SHCBP1: variants seen among roughly 807,000 people sequenced by gnomAD.
SHCBP1 encodes the protein SHC binding and spindle associated 1, also known as SHC SH2 domain-binding protein 1.
In SHCBP1, 60 loss-of-function variants were observed where a neutral mutation model predicts 75.1. The ratio of observed to expected loss-of-function variants is 0.80; its 90% CI spans 0.65 to 0.99. The LOEUF is 0.99. SHCBP1 is among the 50% of genes least tolerant of loss of function. SHCBP1 has a pLI of 0.00. For missense variants in SHCBP1, 709 were observed against 809.4 expected (o/e 0.88, Z 1.50); for synonymous variants, 290 against 293.2 (o/e 0.99, Z 0.11).
intron 1 of SHCBP1, among the ~76,000 whole-genome samples, chr16:46,620,146 C>T (rs1000997043): frequency 1.3e-5 from 2 of 152,182 alleles, no homozygotes; most frequent in Non-Finnish European, 2.9e-5. Flanking sequence ...TCCATCACCT[C>T]GCATAGTTAC....
rs757026436 is a variant in SHCBP1 at position 46,617,645 on chromosome 16, C to T, written c.376G>A (p.Val126Met). Reference protein sequence around the residue: ...RAVWHTNVFKVLVEITDVDFA... With the variant: ...RAVWHTNVFKMLVEITDVDFA... ...AAAATTAACCTTACCTCAACCAGCACCTTGAACACATTAGTGTGCCAGACT... is the reference window on the plus strand; with the variant it reads ...AAAATTAACCTTACCTCAACCAGCATCTTGAACACATTAGTGTGCCAGACT... Residue 126 changes from valine (V) to methionine (M), a missense_variant, in exon 3 of 13, where the codon GTG (valine) becomes ATG (methionine). Physicochemically the swap from Val to Met is conservative, Grantham distance 21. Coordinates refer to ENST00000303383, the MANE Select transcript of SHCBP1 (RefSeq NM_024745.5). 44 of 1,613,794 alleles carry T rather than the reference C, an allele frequency of 2.7e-5. No individual in the cohort carries two copies. The highest frequency in any genetic ancestry group is 3.7e-5 in the Non-Finnish European group (44 of 1,179,952).
intron 10 of SHCBP1, among the ~76,000 whole-genome samples, chr16:46,591,392 T>C (rs1965046070): frequency 6.6e-6 from 1 of 152,104 alleles, no homozygotes; most frequent in South Asian, 2.1e-4. Context: ...TCACATCAGA[T>C]AAAGTAGACT....
At chr16:46,587,663 G>T (rs935740754) in intron 10 of SHCBP1, among the ~76,000 whole-genome samples, 3 of 152,108 alleles carry the variant, frequency 2.0e-5, no homozygotes, top group African/African-American at 7.2e-5. Flanking sequence ...GATTCATAAA[G>T]CATGCCCTTA....
At chr16:46,582,342 A>G (rs1964885151) in intron 12 of SHCBP1, among the ~76,000 whole-genome samples, 1 of 152,220 alleles carries the variant, frequency 6.6e-6, no homozygotes, top group Non-Finnish European at 1.5e-5. Flanking sequence ...TGAAGTCCCA[A>G]TCTAGCAGCT....
At chr16:46,582,555 G>T (rs1964889525) in intron 12 of SHCBP1, among the ~76,000 whole-genome samples, 1 of 152,188 alleles carries the variant, frequency 6.6e-6, no homozygotes, top group South Asian at 2.1e-4. Context: ...TGAGATGGGG[G>T]GGCCATGAGG....
chr16:46,600,460 G>A (rs533234633), intron 8 of SHCBP1, among the ~76,000 whole-genome samples: 3 of 151,846 alleles, frequency 2.0e-5, no homozygotes, highest in Non-Finnish European at 4.4e-5. Flanking sequence ...GTGACAGAAT[G>A]AGACCCCATC....
intron 10 of SHCBP1, among the ~76,000 whole-genome samples, chr16:46,585,702 A>T (rs925325086): frequency 6.6e-6 from 1 of 152,104 alleles, no homozygotes; most frequent in Admixed American, 6.6e-5. Context: ...CTGGACTTGT[A>T]CCCCCACCTG....
chr16:46,596,026 G>T (rs1377989166), intron 9 of SHCBP1, among the ~76,000 whole-genome samples: 3 of 152,120 alleles, frequency 2.0e-5, no homozygotes, highest in African/African-American at 4.8e-5. Flanking sequence ...TTACTCCCAT[G>T]TGGAGATAAC....
At chr16:46,608,199 G>A (rs1485498841) in intron 5 of SHCBP1, 98 bp downstream of exon 5, 1 of 718,864 alleles carries the variant, frequency 1.4e-6, no homozygotes, top group Non-Finnish European at 2.4e-6. Flanking sequence ...GTGAGTGAGT[G>A]TGGGTGTGTG....
intron 10 of SHCBP1, among the ~76,000 whole-genome samples, chr16:46,586,777 G>C (rs528352813): frequency 6.6e-6 from 1 of 152,226 alleles, no homozygotes; most frequent in East Asian, 1.9e-4. Flanking sequence ...ATGGACGTCA[G>C]ATGAAAGACA....
chr16:46,610,609 G>A (rs1175075068), intron 4 of SHCBP1, among the ~76,000 whole-genome samples: 1 of 124,244 alleles, frequency 8.0e-6, no homozygotes, highest in Non-Finnish European at 1.6e-5. Context: ...AGGATGGAGT[G>A]CAGTAGTAGC....
chr16:46,584,110 T>A (rs754934915), intron 10 of SHCBP1, 21 bp from the exon 11 acceptor site: 1 of 1,553,306 alleles, frequency 6.4e-7, no homozygotes, highest in Non-Finnish European at 8.8e-7. Context: ...CAGTTTGAGA[T>A]AATGACAATC....
chr16:46,604,525 A>G (rs910629411), intron 5 of SHCBP1, 64 bp from the exon 6 acceptor site: 1 of 1,094,592 alleles, frequency 9.1e-7, no homozygotes, highest in East Asian at 2.4e-5. Flanking sequence ...TCATTAAAAC[A>G]GCCCACTTAG....
At chr16:46,603,186 A>ATT (rs1567448873) in intron 8 of SHCBP1, among the ~76,000 whole-genome samples, 6 of 152,228 alleles carry the variant, frequency 3.9e-5, no homozygotes, top group Admixed American at 2.0e-4. Flanking sequence ...TTTTTAAAAT[A>ATT]CTAAAATTTT....
intron 5 of SHCBP1, among the ~76,000 whole-genome samples, chr16:46,605,623 C>A (rs2143000775): frequency 6.6e-6 from 1 of 152,268 alleles, no homozygotes; most frequent in African/African-American, 2.4e-5. Flanking sequence ...CAAACAGATG[C>A]TCAGGGCCCC....
chr16:46,587,539 C>T (rs1964971452), intron 10 of SHCBP1, among the ~76,000 whole-genome samples: 1 of 152,028 alleles, frequency 6.6e-6, no homozygotes, highest in South Asian at 2.1e-4. Flanking sequence ...AGAATATAGG[C>T]AAGTTGAAAT....
chr16:46,594,376 A>C (rs1019052303), intron 10 of SHCBP1, among the ~76,000 whole-genome samples: 1 of 152,208 alleles, frequency 6.6e-6, no homozygotes, highest in African/African-American at 2.4e-5. Flanking sequence ...GAATATACAG[A>C]GAACTCTCAA....
chr16:46,606,823 CTTTT>C (rs778227259), intron 5 of SHCBP1, among the ~76,000 whole-genome samples: 1 of 143,644 alleles, frequency 7.0e-6, no homozygotes, highest in African/African-American at 2.5e-5. Flanking sequence ...GACTTTCAAA[CTTTT>C]TTTTTTTTTT....
At position 46,603,607 on chromosome 16, in the gene SHCBP1, A is replaced by G. The variant is rs779320266; in HGVS notation, c.1145T>C (p.Val382Ala). The G allele has an allele frequency of 2.4e-5, 39 of 1,614,196 alleles. No homozygotes were observed. The East Asian group carries it at 6.2e-4, about 26-fold the overall frequency. ...CACATAATGGCCAGGACAAACAATA[A>G]CAGTGTCACCTTCGAAGCAGGCATT... ...AINACFEGDTVIVCPGHYVVH... is the reference protein window; with the variant it reads ...AINACFEGDTAIVCPGHYVVH... Residue 382 changes from valine (V) to alanine (A), a missense_variant, in exon 8 of 13, where the codon GTT becomes GCT. Physicochemically the swap from Val to Ala is moderately conservative, Grantham distance 64. Coordinates refer to ENST00000303383, the MANE Select transcript of SHCBP1 (RefSeq NM_024745.5).
Sources: allele counts gnomAD v4.1 joint callset (sites outside exome capture counted in the v4.1 genomes callset), GRCh38; gene constraint gnomAD v4.1.1; transcripts MANE v1.5; gene names NCBI Gene and HGNC (gene_info 2026-07-23, HGNC 2026-07-21).